Variants in FSTL5 observed in about 807,000 individuals in gnomAD.
FSTL5 encodes follistatin-related protein 5.
In FSTL5, 62 loss-of-function variants were observed where a neutral mutation model predicts 89.1. The ratio of observed to expected loss-of-function variants is 0.70; its 90% confidence interval spans 0.57 to 0.86. The LOEUF (loss-of-function observed/expected upper bound fraction) is 0.86. Among genes scored for constraint, FSTL5 ranks in the 40% least tolerant of loss-of-function variants. FSTL5 has a pLI of 0.00. For missense variants in FSTL5, 1,057 were observed against 1,001.6 expected, an observed-to-expected ratio of 1.06 and a Z score of -0.75; for synonymous variants, 383 against 346.2, an observed-to-expected ratio of 1.11 and a Z score of -1.18.
chr4:161,863,553 G>T (rs1731983051), intron 4 of FSTL5, among the ~76,000 whole-genome samples: 1 of 152,178 alleles, frequency 6.6e-6, no homozygotes, highest in African/African-American at 2.4e-5. Flanking sequence ...AAAGAAAAGA[G>T]AATATCTGCA....
intron 6 of FSTL5, among the ~76,000 whole-genome samples, chr4:161,748,418 T>C (rs1165363965): frequency 6.6e-6 from 1 of 152,132 alleles, no homozygotes; most frequent in East Asian, 1.9e-4. Context: ...CTTTAAATAA[T>C]TATTACATTC....
intron 5 of FSTL5, among the ~76,000 whole-genome samples, chr4:161,775,349 G>A (rs757364268): frequency 3.3e-5 from 5 of 152,028 alleles, no homozygotes; most frequent in Non-Finnish European, 4.4e-5. Flanking sequence ...GAAATCCCAT[G>A]TCTCTTATTT....
At chr4:162,019,254 A>G (rs1383463869) in intron 3 of FSTL5, among the ~76,000 whole-genome samples, 1 of 152,096 alleles carries the variant, frequency 6.6e-6, no homozygotes, top group Non-Finnish European at 1.5e-5. Context: ...TATGCTACCT[A>G]TTAAAACTCT....
chr4:162,064,894 T>C (rs1471588086), intron 2 of FSTL5, among the ~76,000 whole-genome samples: 1 of 151,830 alleles, frequency 6.6e-6, no homozygotes, highest in Admixed American at 6.6e-5. Flanking sequence ...TAAAAGGGCA[T>C]AAAAAACAGA....
intron 13 of FSTL5, among the ~76,000 whole-genome samples, chr4:161,460,987 A>G (rs939460039): frequency 2.0e-5 from 3 of 151,000 alleles, no homozygotes; most frequent in African/African-American, 7.4e-5. Context: ...TAGTTTCTGT[A>G]TTGTAAAGAT....
intron 8 of FSTL5, among the ~76,000 whole-genome samples, chr4:161,553,831 TTAA>T (rs1487473633): frequency 6.6e-6 from 1 of 151,530 alleles, no homozygotes; most frequent in Non-Finnish European, 1.5e-5. Context: ...CAGAGCAGTA[TTAA>T]TAATGCATCT....
At chr4:161,624,085 G>C (rs2126649030) in intron 7 of FSTL5, among the ~76,000 whole-genome samples, 1 of 152,040 alleles carries the variant, frequency 6.6e-6, no homozygotes, top group African/African-American at 2.4e-5. Flanking sequence ...CCACATGAGA[G>C]AAAAGATAGC....
chr4:161,559,448 TC>T (rs1732510315), intron 8 of FSTL5, among the ~76,000 whole-genome samples: 1 of 151,898 alleles, frequency 6.6e-6, no homozygotes, highest in Non-Finnish European at 1.5e-5. Flanking sequence ...CTCTACTCTT[TC>T]CACTTTTCAA....
intron 5 of FSTL5, among the ~76,000 whole-genome samples, chr4:161,764,743 AGGTAT>A (rs1325186629): frequency 1.3e-5 from 2 of 152,184 alleles, no homozygotes; most frequent in African/African-American, 4.8e-5. Flanking sequence ...TTTATTTTTA[AGGTAT>A]CCTACATGGC....
intron 6 of FSTL5, among the ~76,000 whole-genome samples, chr4:161,686,581 C>T (rs1323380713): frequency 6.6e-6 from 1 of 150,998 alleles, no homozygotes; most frequent in East Asian, 2.0e-4. Flanking sequence ...AGGACGGTCT[C>T]GATCTCCTGA....
At chr4:161,627,367 T>A (rs1467646707) in intron 7 of FSTL5, among the ~76,000 whole-genome samples, 2 of 152,184 alleles carry the variant, frequency 1.3e-5, no homozygotes, top group African/African-American at 2.4e-5. Flanking sequence ...ATACTTTTAA[T>A]TCAGGCATTT....
chr4:161,800,881 G>T (rs535894392), intron 4 of FSTL5, among the ~76,000 whole-genome samples: 1 of 151,456 alleles, frequency 6.6e-6, no homozygotes, highest in African/African-American at 2.4e-5. Context: ...CAATAAAATT[G>T]GTGAATATTA....
intron 6 of FSTL5, among the ~76,000 whole-genome samples, chr4:161,727,302 A>G (rs2094802008): frequency 6.6e-6 from 1 of 152,174 alleles, no homozygotes; most frequent in African/African-American, 2.4e-5. Context: ...TATATTCTAA[A>G]ATGATTTGAA....
intron 12 of FSTL5, among the ~76,000 whole-genome samples, chr4:161,494,582 C>T (rs1412438373): frequency 6.6e-6 from 1 of 152,136 alleles, no homozygotes; most frequent in Non-Finnish European, 1.5e-5. Context: ...TACAAACAAC[C>T]TGTTCCTAAG....
At chr4:161,897,551 G>A (rs1733203449) in intron 4 of FSTL5, among the ~76,000 whole-genome samples, 1 of 146,356 alleles carries the variant, frequency 6.8e-6, no homozygotes, top group Non-Finnish European at 1.5e-5. Flanking sequence ...CTCTAGCGTG[G>A]GCAGCAAGAG....
chr4:161,509,943 G>A (rs1480939366), intron 11 of FSTL5, among the ~76,000 whole-genome samples: 2 of 152,108 alleles, frequency 1.3e-5, no homozygotes, highest in African/African-American at 2.4e-5. Flanking sequence ...TAAGAAGATC[G>A]TGCAGGGTAA....
chr4:162,131,364 C>T (rs898945616), intron 1 of FSTL5, among the ~76,000 whole-genome samples: 2 of 152,082 alleles, frequency 1.3e-5, no homozygotes, highest in Non-Finnish European at 2.9e-5. Flanking sequence ...CACATGGTGA[C>T]AAACTATGGA....
chr4:161,744,407 C>G (rs1387733076), intron 6 of FSTL5, among the ~76,000 whole-genome samples: 1 of 152,114 alleles, frequency 6.6e-6, no homozygotes, highest in Non-Finnish European at 1.5e-5. Flanking sequence ...TTCTCTATGA[C>G]TTACTATAAG....
chr4:161,996,535 C>T (rs900358144), intron 3 of FSTL5, among the ~76,000 whole-genome samples: 1 of 152,226 alleles, frequency 6.6e-6, no homozygotes, highest in African/African-American at 2.4e-5. Context: ...CGTCTTGTCT[C>T]CTTCATTCAA....
Sources: allele counts gnomAD v4.1 joint callset (sites outside exome capture counted in the v4.1 genomes callset), GRCh38; gene constraint gnomAD v4.1.1; transcripts MANE v1.5; gene names NCBI Gene and HGNC (gene_info 2026-07-23, HGNC 2026-07-21).